Variants in NEBL observed in about 807,000 individuals in gnomAD.
The protein encoded by NEBL is nebulette.
A neutral mutation model predicts 140.2 loss-of-function variants in NEBL; 122 were observed. That is an observed-to-expected ratio of 0.87 (90% confidence interval 0.75 to 1.01). The LOEUF is 1.01. NEBL is among the 50% of genes least tolerant of loss of function. The pLI, the probability that NEBL is intolerant of heterozygous loss-of-function variation, is 0.00. For missense variants in NEBL, 1,365 were observed against 1,231.3 expected, an observed-to-expected ratio of 1.11 and a Z score of -1.62; for synonymous variants, 436 against 398.9, an observed-to-expected ratio of 1.09 and a Z score of -1.11.
At position 20,780,457 on chromosome 10, in the gene NEBL, G is replaced by C. The variant is rs1289172545; in HGVS notation, c.*5290C>G. 6.6e-6 allele frequency: 1 copy of C among 152,164 alleles called. No individual in the cohort carries two copies. The highest frequency in any genetic ancestry group is 6.6e-5 in the Admixed American group (1 of 15,264). The allele number at this position is 152,164 out of a possible 1,614,324, so 9.4% of individuals were successfully genotyped here. A position where few individuals can be genotyped will look rare whatever the true frequency, so the allele number is the denominator to read the frequency against. On this transcript the variant is annotated 3_prime_UTR_variant, in exon 28 of 28. Coordinates refer to ENST00000377122, the MANE Select transcript of NEBL (RefSeq NM_006393.3). ...CACTTACAACTAAGTTTATTTGGGG[G>C]AGGAAAATATCTTGACTGATTCACC... is the stretch of plus-strand genomic sequence containing the variant.
At chr10:21,161,092 T>C (rs1160575064) in intron 2 of NEBL, among the ~76,000 whole-genome samples, 2 of 152,228 alleles carry the variant, frequency 1.3e-5, no homozygotes. Context: ...TTTGCTACTG[T>C]TCATGTGCAT....
At chr10:21,124,100 T>C (rs556086540) in intron 2 of NEBL, among the ~76,000 whole-genome samples, 15 of 152,178 alleles carry the variant, frequency 9.9e-5, no homozygotes, top group Non-Finnish European at 1.8e-4. Flanking sequence ...TACTTGGCCA[T>C]TGAGAAATGC....
chr10:20,923,221 C>T (rs1833679139), intron 4 of NEBL, among the ~76,000 whole-genome samples: 1 of 152,058 alleles, frequency 6.6e-6, no homozygotes, highest in African/African-American at 2.4e-5. Flanking sequence ...CCATGCACCA[C>T]CACACCAAGA....
intron 9 of NEBL, among the ~76,000 whole-genome samples, chr10:20,856,992 C>T (rs1023221168): frequency 4.6e-5 from 7 of 152,056 alleles, no homozygotes; most frequent in African/African-American, 1.7e-4. Context: ...CCACGCCTAG[C>T]TAATTTTTGT....
intron 3 of NEBL, among the ~76,000 whole-genome samples, chr10:21,228,790 T>C (rs886805601): frequency 7.2e-5 from 11 of 152,234 alleles, no homozygotes; most frequent in South Asian, 6.2e-4. Context: ...ATGAAACCTT[T>C]GCCCCAACTG....
intron 1 of NEBL, among the ~76,000 whole-genome samples, chr10:21,288,762 A>G (rs1442595607): frequency 2.4e-5 from 2 of 84,182 alleles, no homozygotes; most frequent in Non-Finnish European, 4.6e-5. Flanking sequence ...TCCATCGCCA[A>G]AAAAAAAAAA....
intron 4 of NEBL, among the ~76,000 whole-genome samples, chr10:20,940,491 C>A (rs1003056051): frequency 1.4e-5 from 2 of 144,108 alleles, no homozygotes; most frequent in African/African-American, 5.2e-5. Flanking sequence ...CAGGAAAGAT[C>A]TAAAATTGAC....
chr10:21,079,044 G>A (rs1448230408), intron 2 of NEBL, among the ~76,000 whole-genome samples: 1 of 152,194 alleles, frequency 6.6e-6, no homozygotes, highest in Admixed American at 6.5e-5. Flanking sequence ...ATGACAAATG[G>A]CACAGCAAAT....
chr10:21,031,131 G>A (rs1316722806), intron 2 of NEBL, among the ~76,000 whole-genome samples: 3 of 152,246 alleles, frequency 2.0e-5, no homozygotes, highest in Non-Finnish European at 2.9e-5. Flanking sequence ...CTTCATTGAG[G>A]ATGTCTGCAT....
At chr10:20,839,755 G>T (rs1841235638) in intron 13 of NEBL, among the ~76,000 whole-genome samples, 1 of 152,132 alleles carries the variant, frequency 6.6e-6, no homozygotes, top group African/African-American at 2.4e-5. Flanking sequence ...TATGCCAGGT[G>T]TAAGCACAGG....
At chr10:21,181,964 G>A (rs988299307) in intron 3 of NEBL, among the ~76,000 whole-genome samples, 4 of 152,244 alleles carry the variant, frequency 2.6e-5, no homozygotes, top group Non-Finnish European at 5.9e-5. Context: ...TGGAGGAAGT[G>A]AGGAGGTGGA....
At chr10:21,227,726 CTTCTTCTT>C (rs1842183828) in intron 3 of NEBL, among the ~76,000 whole-genome samples, 1 of 115,364 alleles carries the variant, frequency 8.7e-6, no homozygotes, top group African/African-American at 3.5e-5. Context: ...TCTTCTTCTT[CTTCTTCTT>C]CTTCTTCTTC....
intron 4 of NEBL, among the ~76,000 whole-genome samples, chr10:20,942,248 C>T (rs550483633): frequency 1.3e-5 from 2 of 152,108 alleles, no homozygotes; most frequent in African/African-American, 4.8e-5. Context: ...GTGATATAGA[C>T]AAATGGAACA....
chr10:21,108,499 C>T (rs627340), intron 2 of NEBL, among the ~76,000 whole-genome samples: 51,048 of 152,002 alleles, frequency 0.34, 8,746 homozygotes, highest in East Asian at 0.46. Context: ...TCCTGAGTTC[C>T]AATTTGATTG....
chr10:20,820,398 T>C (rs1839180084), intron 19 of NEBL, among the ~76,000 whole-genome samples: 1 of 152,200 alleles, frequency 6.6e-6, no homozygotes. Flanking sequence ...CAGACAAAAG[T>C]AGAGCTGGAG....
chr10:20,972,758 A>T (rs1042150626), intron 3 of NEBL, among the ~76,000 whole-genome samples: 9 of 151,822 alleles, frequency 5.9e-5, no homozygotes, highest in Non-Finnish European at 1.2e-4. Flanking sequence ...AAAATAAAAT[A>T]AAAATTAAAA....
At chr10:21,095,537 T>TA (rs2131976145) in intron 2 of NEBL, among the ~76,000 whole-genome samples, 1 of 152,344 alleles carries the variant, frequency 6.6e-6, no homozygotes, top group Non-Finnish European at 1.5e-5. Context: ...TTTAAACTGT[T>TA]AAGCTTAAGG....
intron 3 of NEBL, among the ~76,000 whole-genome samples, chr10:21,229,316 G>A (rs1426690594): frequency 6.6e-6 from 1 of 152,112 alleles, no homozygotes; most frequent in African/African-American, 2.4e-5. Context: ...AGCTACCTGG[G>A]AAACTGACGT....
rs1041159463 is a variant in NEBL at position 20,782,147 on chromosome 10, C to T, written c.*3600G>A. The T allele has an allele frequency of 3.9e-5, 6 of 152,518 alleles. No individual in the cohort carries two copies. Among genetic ancestry groups the T allele is most frequent in the African/African-American group, 1.4e-4 (6 of 41,432 alleles). The allele number at this position is 152,518 out of a possible 1,614,324, so 9.4% of individuals were successfully genotyped here. Reference sequence around the variant, plus strand: ...TTAGAGATAAAATACAATCAGCTAACACCTTTAATATCTGAGGAGCATCCC... The same window carrying T: ...TTAGAGATAAAATACAATCAGCTAATACCTTTAATATCTGAGGAGCATCCC... On this transcript the variant is annotated 3_prime_UTR_variant, in exon 28 of 28. Coordinates refer to ENST00000377122, the MANE Select transcript of NEBL (RefSeq NM_006393.3).
Sources: allele counts gnomAD v4.1 joint callset (sites outside exome capture counted in the v4.1 genomes callset), GRCh38; gene constraint gnomAD v4.1.1; transcripts MANE v1.5; gene names NCBI Gene and HGNC (gene_info 2026-07-23, HGNC 2026-07-21).